Variants in SYBU observed in about 807,000 individuals in gnomAD.
SYBU encodes syntabulin.
A neutral mutation model predicts 35.9 loss-of-function variants in SYBU; 21 were observed. The ratio of observed to expected loss-of-function variants is 0.58; its 90% CI spans 0.41 to 0.84. SYBU has a LOEUF of 0.84. SYBU is among the 40% of genes least tolerant of loss of function. The probability of loss-of-function intolerance (pLI) is 0.00; values close to 1 mark genes in which losing one functional copy is unlikely to be tolerated. For synonymous variants in SYBU, 319 were observed against 324.3 expected, an observed-to-expected ratio of 0.98 and a Z score of 0.18; for missense variants, 768 against 848.2, an observed-to-expected ratio of 0.91 and a Z score of 1.17.
At chr8:109,607,942 A>T in intron 3 of SYBU, 1 of 1,534,906 alleles carries the variant, frequency 6.5e-7, no homozygotes, top group Non-Finnish European at 8.7e-7. Context: ...CTTTCATGGC[A>T]AACATTGCCT....
intron 5 of SYBU, 40 bp downstream of exon 5, chr8:109,579,759 G>T: frequency 6.4e-7 from 1 of 1,569,382 alleles, no homozygotes; most frequent in Non-Finnish European, 8.8e-7. Flanking sequence ...TTACCAAGTA[G>T]GACAAACTAA....
chr8:109,577,205 C>T (rs1421157952), intron 6 of SYBU, among the ~76,000 whole-genome samples: 1 of 152,106 alleles, frequency 6.6e-6, no homozygotes, highest in Non-Finnish European at 1.5e-5. Context: ...TTAGAGAATG[C>T]ACATGCCACC....
At chr8:109,611,707 C>A (rs1228862875) in intron 3 of SYBU, among the ~76,000 whole-genome samples, 2 of 152,180 alleles carry the variant, frequency 1.3e-5, no homozygotes, top group Non-Finnish European at 2.9e-5. Context: ...GACATTTTGA[C>A]ATGTGAAGAA....
At chr8:109,648,262 AAT>A (rs1180010500), upstream of SYBU, among the ~76,000 whole-genome samples, 79 of 136,420 alleles carry the variant, frequency 5.8e-4, no homozygotes, top group East Asian at 1.9e-3. Flanking sequence ...TATATACAAT[AAT>A]ATATATATAT....
rs940256554 is a variant in SYBU, at chr8:109,586,066, G to A, written c.524C>T (p.Ser175Leu). 1.9e-6 allele frequency: 3 copies of A among 1,608,464 alleles called. No homozygotes were observed. The highest frequency in any genetic ancestry group is 2.7e-5 in the African/African-American group (2 of 74,888). Reference protein sequence around the residue: ...STAGSKRSSSSRNRGPHGRSN... With the variant: ...STAGSKRSSSLRNRGPHGRSN... ...AGCAGGAGATGGTGCCTACTTGCGT[G>A]AAGAAGAAGACCGCTTGCTTCCCGC... is the stretch of plus-strand genomic sequence containing the variant. Residue 175 changes from serine (S) to leucine (L), a missense_variant, in exon 4 of 7, where the codon TCA (serine) becomes TTA (leucine). Coordinates refer to ENST00000276646, the MANE Select transcript of SYBU (RefSeq NM_001099754.2).
intron 3 of SYBU, among the ~76,000 whole-genome samples, chr8:109,592,075 C>T (rs1241452198): frequency 6.6e-6 from 1 of 151,870 alleles, no homozygotes; most frequent in Non-Finnish European, 1.5e-5. Context: ...TAGAACAATG[C>T]CTGGCATACA....
chr8:109,595,369 C>T (rs1196069799), intron 3 of SYBU, among the ~76,000 whole-genome samples: 2 of 152,210 alleles, frequency 1.3e-5, no homozygotes, highest in Non-Finnish European at 2.9e-5. Flanking sequence ...CACAGGAAGG[C>T]CTGCAGCACA....
chr8:109,580,140 T>C (rs554579287), intron 4 of SYBU, 138 bp from the exon 5 acceptor site: 6 of 770,698 alleles, frequency 7.8e-6, no homozygotes, highest in Admixed American at 7.3e-5. Flanking sequence ...AGACTGTCCT[T>C]AGGAGCGGCC....
intron 3 of SYBU, among the ~76,000 whole-genome samples, chr8:109,590,500 C>T (rs1343998354): frequency 6.6e-6 from 1 of 150,908 alleles, no homozygotes. Flanking sequence ...AAATAGTTTT[C>T]TTCATTCTGA....
intron 1 of SYBU, among the ~76,000 whole-genome samples, chr8:109,687,530 A>G (rs1817547942): frequency 6.6e-6 from 1 of 152,158 alleles, no homozygotes; most frequent in African/African-American, 2.4e-5. Context: ...AGCCAGAGAG[A>G]AGGGAAAGCC....
Position 109,586,069 on chromosome 8 carries a change from G to A in SYBU, c.521C>T (p.Ser174Phe). 6.2e-7 allele frequency: 1 copy of A among 1,609,726 alleles called. No individual in the cohort carries two copies. Among genetic ancestry groups the A allele is most frequent in the Non-Finnish European group, 8.5e-7 (1 of 1,178,272 alleles). ...MSTAGSKRSSSSRNRGPHGRS... is the reference protein window; with the variant it reads ...MSTAGSKRSSFSRNRGPHGRS... ...AGGAGATGGTGCCTACTTGCGTGAA[G>A]AAGAAGACCGCTTGCTTCCCGCAGT... The change falls in exon 4 of 7, where the codon TCT becomes TTT. Residue 174 changes from serine (S) to phenylalanine (F), a missense_variant. Coordinates refer to ENST00000276646, the MANE Select transcript of SYBU (RefSeq NM_001099754.2).
intron 3 of SYBU, among the ~76,000 whole-genome samples, chr8:109,610,224 T>C (rs1273069661): frequency 1.3e-5 from 2 of 152,176 alleles, no homozygotes; most frequent in Non-Finnish European, 2.9e-5. Context: ...TCTGAACTTA[T>C]CTTGTTTGTG....
rs762015808 is a variant in SYBU at position 109,579,840 on chromosome 8, G to C, written c.693C>G (p.Asn231Lys). ...AGTCGCTTCCTTTGTAGGAGCCTGA[G>C]TTGCTACTGCTTGGGGAAGAAGGTG... ...SYAPSSPSSS[N>K]SGSYKGSDCS... is the part of the protein sequence containing the mutation. Residue 231 changes from asparagine to lysine, a missense_variant, in exon 5 of 7, where the codon AAC (asparagine) becomes AAG (lysine). Physicochemically the swap from Asn to Lys is moderately conservative, Grantham distance 94. Transcript: ENST00000276646. The C allele has an allele frequency of 6.2e-7, 1 of 1,613,936 alleles. No individual in the cohort carries two copies. The highest frequency in any genetic ancestry group is 8.5e-7 in the Non-Finnish European group (1 of 1,179,898).
intron 1 of SYBU, among the ~76,000 whole-genome samples, chr8:109,686,403 A>G (rs1337600885): frequency 1.3e-5 from 2 of 152,250 alleles, no homozygotes; most frequent in Non-Finnish European, 2.9e-5. Flanking sequence ...CTCTTGTGGA[A>G]AAACATAATG....
chr8:109,645,633 G>GTTTTT (rs77642059), upstream of SYBU: 10 of 230,826 alleles, frequency 4.3e-5, no homozygotes, highest in African/African-American at 2.1e-4. Context: ...TTCGTTTTTT[G>GTTTTT]TTTTTTTTTT....
chr8:109,578,700 T>C (rs1822650154), intron 5 of SYBU, among the ~76,000 whole-genome samples: 1 of 152,190 alleles, frequency 6.6e-6, no homozygotes, highest in South Asian at 2.1e-4. Context: ...AGCTGTCAGT[T>C]CAGAGTAACA....
chr8:109,635,826 A>G (rs1307257112), intron 2 of SYBU, among the ~76,000 whole-genome samples: 2 of 152,204 alleles, frequency 1.3e-5, no homozygotes, highest in Non-Finnish European at 2.9e-5. Context: ...TCTAAATTAT[A>G]AATTTGATCA....
At chr8:109,597,512 G>T (rs1825022845) in intron 3 of SYBU, among the ~76,000 whole-genome samples, 1 of 151,900 alleles carries the variant, frequency 6.6e-6, no homozygotes. Context: ...GAGCCCAGGG[G>T]TTCGAGACCA....
chr8:109,664,576 A>G (rs189444007), intron 1 of SYBU, among the ~76,000 whole-genome samples: 231 of 152,290 alleles, frequency 1.5e-3, no homozygotes, highest in Non-Finnish European at 1.4e-3. Flanking sequence ...CAGTGTTAGA[A>G]GAAACACACT....
Sources: allele counts gnomAD v4.1 joint callset (sites outside exome capture counted in the v4.1 genomes callset), GRCh38; gene constraint gnomAD v4.1.1; transcripts MANE v1.5; gene names NCBI Gene and HGNC (gene_info 2026-07-23, HGNC 2026-07-21).